Variants in ODF2L observed in about 807,000 individuals in gnomAD.
ODF2L encodes protein BCAP.
Under a neutral mutation model 86.3 loss-of-function variants are expected in ODF2L, and 76 were observed. The ratio of observed to expected loss-of-function variants is 0.88; its 90% CI spans 0.73 to 1.07. ODF2L has a LOEUF of 1.07. Among genes scored for constraint, ODF2L ranks in the 50% least tolerant of loss-of-function variants. The pLI, the probability that ODF2L is intolerant of heterozygous loss-of-function variation, is 0.00. For synonymous variants in ODF2L, 241 were observed against 231.3 expected, an observed-to-expected ratio of 1.04 and a Z score of -0.38; for missense variants, 748 against 717.4, an observed-to-expected ratio of 1.04 and a Z score of -0.49.
intron 11 of ODF2L, among the ~76,000 whole-genome samples, chr1:86,366,013 G>A (rs1217978122): frequency 3.9e-5 from 6 of 152,108 alleles, no homozygotes; most frequent in African/African-American, 1.2e-4. Context: ...CGGTGCTGGC[G>A]ACCCAGAGCA....
chr1:86,376,494 T>A (rs554826715), intron 7 of ODF2L, 76 bp from the exon 8 acceptor site: 1 of 876,488 alleles, frequency 1.1e-6, no homozygotes, highest in South Asian at 1.7e-5. Flanking sequence ...AATATGTACA[T>A]AACTGATATG....
chr1:86,394,958 A>C (rs1169561025), intron 1 of ODF2L, among the ~76,000 whole-genome samples: 3 of 148,768 alleles, frequency 2.0e-5, no homozygotes, highest in Non-Finnish European at 3.0e-5. Context: ...CTCCTGCCTC[A>C]GCCTCCCGAG....
At chr1:86,353,020 T>C in intron 16 of ODF2L, 36 bp from the exon 16 acceptor site, 1 of 1,332,036 alleles carries the variant, frequency 7.5e-7, no homozygotes, top group Non-Finnish European at 1.1e-6. Context: ...ATAAAGTGCT[T>C]TCTTTAAAAT....
At chr1:86,351,479 T>G (rs1658134374) in exon 18 of ODF2L, 1 of 152,286 alleles carries the variant, frequency 6.6e-6, no homozygotes, top group Non-Finnish European at 1.5e-5. Context: ...AGTACCATGC[T>G]ATTTTGGTTA....
At chr1:86,383,223 G>A (rs763464021) in intron 4 of ODF2L, 27 bp from the exon 5 acceptor site, 1 of 1,238,704 alleles carries the variant, frequency 8.1e-7, no homozygotes, top group Non-Finnish European at 1.2e-6. Flanking sequence ...ATAAATCAGT[G>A]ATCGCAAATT....
At chr1:86,369,852 G>C (rs1659676206) in intron 10 of ODF2L, among the ~76,000 whole-genome samples, 1 of 152,088 alleles carries the variant, frequency 6.6e-6, no homozygotes, top group African/African-American at 2.4e-5. Context: ...AAGGGTAAAA[G>C]AGATTTGGAT....
At chr1:86,391,968 T>C (rs1449523601) in intron 1 of ODF2L, among the ~76,000 whole-genome samples, 1 of 151,540 alleles carries the variant, frequency 6.6e-6, no homozygotes, top group Admixed American at 6.6e-5. Context: ...AAGACTAATA[T>C]CCAAAACCGA....
intron 1 of ODF2L, among the ~76,000 whole-genome samples, chr1:86,391,369 C>T (rs1344393326): frequency 6.6e-6 from 1 of 152,092 alleles, no homozygotes; most frequent in East Asian, 1.9e-4. Flanking sequence ...AAAAAAGAGC[C>T]CACATAGCCA....
At chr1:86,371,971 A>G (rs1337678952) in intron 9 of ODF2L, among the ~76,000 whole-genome samples, 1 of 152,138 alleles carries the variant, frequency 6.6e-6, no homozygotes, top group Non-Finnish European at 1.5e-5. Context: ...GCGGATCACA[A>G]GGTCAGGAGA....
intron 8 of ODF2L, among the ~76,000 whole-genome samples, chr1:86,375,223 C>A (rs1365993787): frequency 6.6e-6 from 1 of 151,928 alleles, no homozygotes; most frequent in African/African-American, 2.4e-5. Context: ...CCAGATGCAA[C>A]AACAAACAAG....
At chr1:86,394,213 T>C (rs1661537393) in intron 1 of ODF2L, among the ~76,000 whole-genome samples, 1 of 152,116 alleles carries the variant, frequency 6.6e-6, no homozygotes, top group Admixed American at 6.6e-5. Context: ...GAACTCAGTT[T>C]TGAATTAAAA....
intron 1 of ODF2L, among the ~76,000 whole-genome samples, chr1:86,388,224 C>T (rs974744963): frequency 4.6e-5 from 7 of 151,966 alleles, no homozygotes; most frequent in South Asian, 2.1e-4. Flanking sequence ...AACAATATTT[C>T]GAGCTATCTA....
intron 8 of ODF2L, 24 bp from the exon 9 acceptor site, chr1:86,372,564 A>G: frequency 1.6e-6 from 2 of 1,216,756 alleles, no homozygotes; most frequent in Non-Finnish European, 2.3e-6. Flanking sequence ...AAAAGTATTC[A>G]TACTATAATT....
exon 11 of ODF2L, chr1:86,368,651 G>A (rs1317355288): frequency 1.4e-6 from 2 of 1,438,580 alleles, no homozygotes; most frequent in Non-Finnish European, 9.3e-7. Context: ...CAGAAGAAAT[G>A]TAGCAAAGCA....
At chr1:86,356,466 G>T (rs1202639691) in exon 14 of ODF2L, 3 of 1,611,976 alleles carry the variant, frequency 1.9e-6, no homozygotes, top group Non-Finnish European at 2.5e-6. Context: ...CTCCCTAATG[G>T]TGTGTTCCTG....
chr1:86,356,409 C>A (rs374484026), intron 14 of ODF2L, 35 bp downstream of exon 13: 1 of 1,549,962 alleles, frequency 6.5e-7, no homozygotes, highest in Admixed American at 1.8e-5. Context: ...ATTCTTTTAA[C>A]GCATCTAGCA....
chr1:86,396,035 C>A (rs1418426976), exon 1 of ODF2L: 2 of 152,458 alleles, frequency 1.3e-5, no homozygotes, highest in East Asian at 1.9e-4. Flanking sequence ...GTACTTACGC[C>A]CCCGCCGCTG....
rs1269626465 is a variant in ODF2L at position 86,354,661 on chromosome 1, C to CT, written c.1635dup (p.Glu546ArgfsTer3). The CT allele has an allele frequency of 6.2e-7, 1 of 1,611,698 alleles. No individual in the cohort carries two copies. Among genetic ancestry groups the CT allele is most frequent in the Non-Finnish European group, 8.5e-7 (1 of 1,178,714 alleles). On this transcript the variant is annotated frameshift_variant, in exon 16 of 18. Coordinates refer to ENST00000317336, the Ensembl canonical transcript of ODF2L. LOFTEE classifies it high-confidence loss of function. ...TGGTTTGCCAGCTTCTTCTCAAGCT[C>CT]TTTATTTTCTGCGTCCATCTGTTCT... is the stretch of plus-strand genomic sequence containing the variant.
At chr1:86,348,615 A>G, downstream of ODF2L, 2 of 775,010 alleles carry the variant, frequency 2.6e-6, no homozygotes, top group Non-Finnish European at 3.5e-6. Context: ...TGTTTCAAAA[A>G]TCTTTACATA....
Sources: gnomAD v4.1 joint callset for allele counts (sites outside exome capture counted in the v4.1 genomes callset) on GRCh38, gnomAD v4.1.1 for gene constraint, MANE v1.5 for transcripts, NCBI Gene and HGNC (gene_info 2026-07-23, HGNC 2026-07-21) for gene names.